Variants in FRMD1 observed in about 807,000 individuals in gnomAD.
FRMD1 encodes the protein FERM domain containing 1, also known as FERM domain-containing protein 1.
Under a neutral mutation model 54.9 loss-of-function variants are expected in FRMD1, and 51 were observed. The observed-to-expected ratio is 0.93, with a 90% CI of 0.74 to 1.17. The LOEUF (loss-of-function observed/expected upper bound fraction) is 1.17, where lower values mean the gene tolerates loss of function less well. Ranked by LOEUF, FRMD1 falls within the 50% of genes most tolerant of loss-of-function variation. The pLI is 0.00. For synonymous variants in FRMD1, 324 were observed against 306.4 expected (o/e 1.06, Z -0.60); for missense variants, 729 against 743.0 (o/e 0.98, Z 0.22).
At chr6:168,082,104 C>T (rs996480454), upstream of FRMD1, among the ~76,000 whole-genome samples, 1 of 152,178 alleles carries the variant, frequency 6.6e-6, no homozygotes, top group Admixed American at 6.5e-5. Flanking sequence ...CATGCTTGCA[C>T]ACGTATGTTC....
chr6:168,086,919 C>T (rs1453882902), intron 1 of FRMD1, among the ~76,000 whole-genome samples: 1 of 152,240 alleles, frequency 6.6e-6, no homozygotes, highest in Non-Finnish European at 1.5e-5. Context: ...AGCCACCCTC[C>T]TCCTTGAGGC....
intron 4 of FRMD1, chr6:168,066,440 G>A: frequency 1.5e-6 from 1 of 659,364 alleles, no homozygotes; most frequent in Non-Finnish European, 2.0e-6. Flanking sequence ...GGAGGTTGCA[G>A]TGAGTCGAGA....
chr6:168,080,327 A>G (rs1280561651), upstream of FRMD1, among the ~76,000 whole-genome samples: 1 of 148,282 alleles, frequency 6.7e-6, no homozygotes, highest in African/African-American at 2.5e-5. Flanking sequence ...TCGAGGCCAC[A>G]CATGTGTGCC....
At chr6:168,088,783 C>G (rs1376798342) in intron 1 of FRMD1, among the ~76,000 whole-genome samples, 1 of 152,224 alleles carries the variant, frequency 6.6e-6, no homozygotes, top group African/African-American at 2.4e-5. Context: ...CCAGCTAGCA[C>G]AAGCCTTCCA....
chr6:168,090,980 C>T (rs969534629), intron 1 of FRMD1, among the ~76,000 whole-genome samples: 8 of 152,206 alleles, frequency 5.3e-5, no homozygotes, highest in African/African-American at 1.4e-4. Context: ...GGCAGGAAGC[C>T]CTCACTGGCC....
At chr6:168,070,625 A>G (rs1800260824) in intron 2 of FRMD1, among the ~76,000 whole-genome samples, 2 of 152,198 alleles carry the variant, frequency 1.3e-5, no homozygotes, top group African/African-American at 4.8e-5. Flanking sequence ...TCCAACAATC[A>G]TATGAGCCAG....
At chr6:168,070,118 G>A (rs946067217) in intron 2 of FRMD1, among the ~76,000 whole-genome samples, 16 of 151,954 alleles carry the variant, frequency 1.1e-4, no homozygotes, top group Admixed American at 2.6e-4. Flanking sequence ...CAGCCACTCA[G>A]GAGGCTGACG....
intron 1 of FRMD1, among the ~76,000 whole-genome samples, chr6:168,078,634 T>C (rs77285523): frequency 0.13 from 4,445 of 34,376 alleles, 138 homozygotes; most frequent in African/African-American, 0.16. Flanking sequence ...CCCCACAGCC[T>C]TGCTCACCCC....
chr6:168,083,541 T>A (rs1478520485), upstream of FRMD1, among the ~76,000 whole-genome samples: 1 of 152,212 alleles, frequency 6.6e-6, no homozygotes, highest in African/African-American at 2.4e-5. Context: ...ACGGGAAAGA[T>A]GACGGAGAAG....
At chr6:168,063,243 A>C (rs1232346066) in intron 6 of FRMD1, among the ~76,000 whole-genome samples, 2 of 150,460 alleles carry the variant, frequency 1.3e-5, no homozygotes, top group African/African-American at 4.9e-5. Flanking sequence ...CGGGGGCTCC[A>C]TCCATCCCTG....
chr6:168,053,222 C>G lies in FRMD1; in HGVS notation c.*3875G>C, dbSNP rs550296136. ...ACCAGCTTTCTCCCGGCAGGGCTGCCCCGGATTTGTTTTCTAACCTTGGCA... is the reference window on the plus strand; with the variant it reads ...ACCAGCTTTCTCCCGGCAGGGCTGCGCCGGATTTGTTTTCTAACCTTGGCA... On this transcript the variant is annotated 3_prime_UTR_variant, in exon 11 of 11. Transcript: ENST00000283309. 1 of 152,344 alleles carries G rather than the reference C, an allele frequency of 6.6e-6. No homozygotes were observed. The highest frequency in any genetic ancestry group is 6.5e-5 in the Admixed American group (1 of 15,304). 9.4% of individuals were successfully genotyped at this position (152,344 alleles called of 1,614,324 possible).
At chr6:168,069,237 T>G (rs1446025636) in intron 2 of FRMD1, among the ~76,000 whole-genome samples, 1 of 152,216 alleles carries the variant, frequency 6.6e-6, no homozygotes, top group African/African-American at 2.4e-5. Flanking sequence ...AGCCAGGGGT[T>G]AGCAAACCAG....
chr6:168,073,357 G>T (rs1012583728), intron 2 of FRMD1, among the ~76,000 whole-genome samples: 1 of 152,224 alleles, frequency 6.6e-6, no homozygotes, highest in Non-Finnish European at 1.5e-5. Flanking sequence ...CCTGCCCTCA[G>T]GGGCTCATGG....
At chr6:168,080,581 C>T (rs947026121), upstream of FRMD1, among the ~76,000 whole-genome samples, 1 of 152,156 alleles carries the variant, frequency 6.6e-6, no homozygotes, top group Admixed American at 6.5e-5. Context: ...GCCGGCGTAT[C>T]AGGAAGGGCG....
Position 168,064,854 on chromosome 6 carries a change from G to A in FRMD1, c.648+17C>T, listed in dbSNP as rs1583179712. 31 of 1,544,640 alleles carry A rather than the reference G, an allele frequency of 2.0e-5. No individual in the cohort carries two copies. The highest frequency in any genetic ancestry group is 1.7e-4 in the East Asian group (7 of 40,814). ...ACCAGACTAGCAGTGCTGGGAGGAG[G>A]TGGGCCCTGACCTTACCCACTGTGG... On this transcript the variant is annotated intron_variant, in intron 5 of 10. Transcript: ENST00000283309.
At chr6:168,066,698 C>T in intron 4 of FRMD1, 57 bp downstream of exon 4, 6 of 1,557,304 alleles carry the variant, frequency 3.9e-6, no homozygotes, top group Non-Finnish European at 5.2e-6. Flanking sequence ...ACTTCCACGT[C>T]ATGCGGCAGA....
chr6:168,073,070 T>A (rs1800388433), intron 2 of FRMD1, among the ~76,000 whole-genome samples: 1 of 152,164 alleles, frequency 6.6e-6, no homozygotes, highest in Non-Finnish European at 1.5e-5. Flanking sequence ...ACATATTAAC[T>A]GGGCTAGAAC....
At chr6:168,075,009 TGTG>T (rs1410165890) in intron 2 of FRMD1, among the ~76,000 whole-genome samples, 2 of 150,956 alleles carry the variant, frequency 1.3e-5, no homozygotes, top group Non-Finnish European at 1.5e-5. Context: ...TGTGCATGTG[TGTG>T]GTGTGTGCAT....
chr6:168,072,747 A>G (rs1282584448), intron 2 of FRMD1, among the ~76,000 whole-genome samples: 2 of 152,178 alleles, frequency 1.3e-5, no homozygotes, highest in African/African-American at 2.4e-5. Context: ...GCCTTTAAGA[A>G]ATAAAAGATG....
Sources: gnomAD v4.1 joint callset for allele counts (sites outside exome capture counted in the v4.1 genomes callset) on GRCh38, gnomAD v4.1.1 for gene constraint, MANE v1.5 for transcripts, NCBI Gene and HGNC (gene_info 2026-07-23, HGNC 2026-07-21) for gene names.